Variants in CA10 observed in about 807,000 individuals in gnomAD.
CA10 encodes carbonic anhydrase 10 (inactive).
Under a neutral mutation model 44.2 loss-of-function variants are expected in CA10, and 14 were observed. That is an observed-to-expected ratio of 0.32 (90% CI 0.21 to 0.50). CA10 has a LOEUF of 0.50. CA10 is among the 20% of genes least tolerant of loss of function. The pLI is 0.99. For missense variants in CA10, 350 were observed against 409.7 expected (o/e 0.85, Z 1.26); for synonymous variants, 159 against 141.6 (o/e 1.12, Z -0.87).
chr17:51,951,356 A>G (rs1233806332), intron 2 of CA10, among the ~76,000 whole-genome samples: 1 of 152,128 alleles, frequency 6.6e-6, no homozygotes, highest in East Asian at 1.9e-4. Context: ...AAGGAAGCAA[A>G]GCCTTGGCTC....
chr17:51,965,859 T>C (rs1984060290), intron 2 of CA10, among the ~76,000 whole-genome samples: 1 of 151,934 alleles, frequency 6.6e-6, no homozygotes, highest in African/African-American at 2.4e-5. Context: ...CTAAAAGTCC[T>C]AGCCAGAACA....
At chr17:51,647,927 G>A (rs1026336470) in intron 6 of CA10, among the ~76,000 whole-genome samples, 7 of 152,048 alleles carry the variant, frequency 4.6e-5, no homozygotes, top group African/African-American at 1.7e-4. Context: ...TAGGTGGAGC[G>A]GGATTCTCCA....
At chr17:51,636,076 A>G (rs954588221) in intron 6 of CA10, 67 bp from the exon 7 acceptor site, 3 of 788,646 alleles carry the variant, frequency 3.8e-6, no homozygotes, top group Non-Finnish European at 6.1e-6. Flanking sequence ...TGACATACAT[A>G]CATACATACA....
chr17:52,146,666 G>A (rs960769147), intron 1 of CA10, among the ~76,000 whole-genome samples: 7 of 149,226 alleles, frequency 4.7e-5, no homozygotes, highest in African/African-American at 7.5e-5. Context: ...GCGAGACTCC[G>A]TCTCAAAATA....
At chr17:52,142,334 T>A (rs1490246333) in intron 1 of CA10, among the ~76,000 whole-genome samples, 1 of 152,198 alleles carries the variant, frequency 6.6e-6, no homozygotes, top group Non-Finnish European at 1.5e-5. Flanking sequence ...CTAACTCAAA[T>A]AGTCTTCCTC....
chr17:52,055,512 T>C (rs1567717820), intron 2 of CA10, among the ~76,000 whole-genome samples: 2 of 152,108 alleles, frequency 1.3e-5, no homozygotes, highest in Admixed American at 6.6e-5. Flanking sequence ...TCAGTTGATA[T>C]TAGAACAGCA....
rs1441553427 is a variant in CA10, at chr17:51,891,581, G to A, written c.279+39409C>T. Among the ~76,000 whole-genome samples, 12 of 152,228 alleles carry A rather than the reference G, an allele frequency of 7.9e-5. 1 individual carries two copies. Among genetic ancestry groups the A allele is most frequent in the Admixed American group, 7.9e-4 (12 of 15,276 alleles). On this transcript the variant is annotated intron_variant, in intron 3 of 8. Coordinates refer to ENST00000451037, the MANE Select transcript of CA10 (RefSeq NM_020178.5). ...ACAGGGTTTACGTTTTACTTGGAAA[G>A]TGTTATCACGTAAGAATGCAGCCAG... is the stretch of plus-strand genomic sequence containing the variant.
intron 3 of CA10, among the ~76,000 whole-genome samples, chr17:51,846,191 C>T (rs528277349): frequency 2.8e-4 from 42 of 152,354 alleles, no homozygotes; most frequent in Non-Finnish European, 5.3e-4. Context: ...GCCTGCCATG[C>T]ACTGGGCACA....
At chr17:51,680,116 A>C (rs1466797128) in intron 4 of CA10, among the ~76,000 whole-genome samples, 5 of 152,162 alleles carry the variant, frequency 3.3e-5, no homozygotes, top group African/African-American at 1.2e-4. Flanking sequence ...AAAATTGTCT[A>C]TCCCTGGTAT....
intron 4 of CA10, among the ~76,000 whole-genome samples, chr17:51,701,683 C>T (rs1006724450): frequency 6.6e-6 from 1 of 152,134 alleles, no homozygotes; most frequent in Non-Finnish European, 1.5e-5. Context: ...ATTATTCACC[C>T]ATGTTTGGTA....
chr17:51,705,804 G>A (rs1915744846), intron 4 of CA10, among the ~76,000 whole-genome samples: 1 of 152,142 alleles, frequency 6.6e-6, no homozygotes, highest in South Asian at 2.1e-4. Context: ...AGCTGCTGAC[G>A]GAGGGTAGAG....
chr17:52,005,818 C>T (rs761006312), intron 2 of CA10, among the ~76,000 whole-genome samples: 9 of 151,732 alleles, frequency 5.9e-5, no homozygotes, highest in Non-Finnish European at 1.2e-4. Context: ...AAACAACCAG[C>T]GGCTGGAGAA....
intron 2 of CA10, among the ~76,000 whole-genome samples, chr17:51,982,320 A>G (rs770833224): frequency 6.6e-6 from 1 of 151,878 alleles, no homozygotes; most frequent in Non-Finnish European, 1.5e-5. Context: ...TCTCATCACT[A>G]CTATCAACAG....
rs2143993670 is a variant in CA10, at chr17:51,930,970, G to A, written c.279+20C>T. ...TGGCCCCATCTTCAACTTTACCATG[G>A]AAGCAATATGGTGGCTTACCTTCCT... is the stretch of plus-strand genomic sequence containing the variant. On this transcript the variant is annotated intron_variant, in intron 3 of 8. Transcript: ENST00000451037. 6.2e-7 allele frequency: 1 copy of A among 1,611,642 alleles called. No individual in the cohort carries two copies. Among genetic ancestry groups the A allele is most frequent in the East Asian group, 2.2e-5 (1 of 44,832 alleles).
chr17:51,759,698 G>A (rs891239936), intron 3 of CA10, among the ~76,000 whole-genome samples: 2 of 151,996 alleles, frequency 1.3e-5, no homozygotes, highest in Non-Finnish European at 2.9e-5. Flanking sequence ...TGGGACTCAG[G>A]AATCTGATGT....
intron 2 of CA10, among the ~76,000 whole-genome samples, chr17:51,984,664 A>G (rs1984767502): frequency 6.6e-6 from 1 of 151,948 alleles, no homozygotes; most frequent in Non-Finnish European, 1.5e-5. Flanking sequence ...CTCACTAAGA[A>G]ACAAAACAGT....
At chr17:51,711,348 AT>A (rs1359197193) in intron 4 of CA10, among the ~76,000 whole-genome samples, 1 of 152,220 alleles carries the variant, frequency 6.6e-6, no homozygotes, top group East Asian at 1.9e-4. Flanking sequence ...AGTCCTGAAT[AT>A]TTTAAGAGAT....
intron 3 of CA10, among the ~76,000 whole-genome samples, chr17:51,926,068 CT>C (rs1982416761): frequency 6.6e-6 from 1 of 152,114 alleles, no homozygotes; most frequent in African/African-American, 2.4e-5. Flanking sequence ...GAACCATCCA[CT>C]TTAAAATGGT....
At chr17:51,884,226 T>C (rs530542568) in intron 3 of CA10, among the ~76,000 whole-genome samples, 1 of 152,300 alleles carries the variant, frequency 6.6e-6, no homozygotes, top group South Asian at 2.1e-4. Context: ...ACTCAGTCTT[T>C]GAGAACCTTC....
Sources: gnomAD v4.1 joint callset for allele counts (sites outside exome capture counted in the v4.1 genomes callset) on GRCh38, gnomAD v4.1.1 for gene constraint, MANE v1.5 for transcripts, NCBI Gene and HGNC (gene_info 2026-07-23, HGNC 2026-07-21) for gene names.